The following PDXDC1 variants were observed in gnomAD, a reference collection of about 807,000 sequenced individuals.
The protein encoded by PDXDC1 is pyridoxal dependent decarboxylase domain containing 1.
A neutral mutation model predicts 100.1 loss-of-function variants in PDXDC1; 42 were observed. The observed-to-expected ratio is 0.42, with a 90% confidence interval of 0.33 to 0.54. The LOEUF (loss-of-function observed/expected upper bound fraction) is 0.54, where lower values mean the gene tolerates loss of function less well. Among genes scored for constraint, PDXDC1 ranks in the 20% least tolerant of loss-of-function variants. The probability of loss-of-function intolerance (pLI) is 0.10; values close to 1 mark genes in which losing one functional copy is unlikely to be tolerated. For missense variants in PDXDC1, 636 were observed against 979.2 expected (o/e 0.65, Z 4.68); for synonymous variants, 260 against 371.7 (o/e 0.70, Z 3.46).
At chr16:15,088,585 C>T (rs1363036149) in intron 16 of PDXDC1, among the ~76,000 whole-genome samples, 3 of 151,860 alleles carry the variant, frequency 2.0e-5, no homozygotes. Context: ...AAGAAAATGT[C>T]CCTTTGTATC....
chr16:15,058,055 T>A (rs1210539615), intron 16 of PDXDC1, among the ~76,000 whole-genome samples: 1 of 152,182 alleles, frequency 6.6e-6, no homozygotes, highest in Non-Finnish European at 1.5e-5. Context: ...CTCATGCCTG[T>A]AACCCCAGCA....
At chr16:14,983,753 CT>C (rs1968567846) in intron 1 of PDXDC1, among the ~76,000 whole-genome samples, 1 of 152,276 alleles carries the variant, frequency 6.6e-6, no homozygotes, top group Admixed American at 6.5e-5. Context: ...CATCAATTTA[CT>C]CCCCCTTTAT....
chr16:15,150,585 C>T, the PDXDC1 span: 2 of 148,422 alleles, frequency 1.3e-5, no homozygotes, highest in East Asian at 2.0e-4. Context: ...AGGAGAATCG[C>T]TTGAACCCGG....
the PDXDC1 span, among the ~76,000 whole-genome samples, chr16:15,145,224 G>A: frequency 1.3e-5 from 2 of 152,232 alleles, no homozygotes; most frequent in Admixed American, 6.5e-5. Context: ...GGCTGTGCGG[G>A]CACAGCAGTG....
chr16:15,095,204 G>A (rs943508243), intron 16 of PDXDC1, among the ~76,000 whole-genome samples: 1 of 152,084 alleles, frequency 6.6e-6, no homozygotes, highest in African/African-American at 2.4e-5. Flanking sequence ...GGCGTTCCAA[G>A]CATAGGAAAC....
chr16:15,103,641 C>G (rs1164143968), intron 16 of PDXDC1, among the ~76,000 whole-genome samples: 8 of 143,870 alleles, frequency 5.6e-5, no homozygotes, highest in Non-Finnish European at 1.1e-4. Flanking sequence ...GTGGCTGGGA[C>G]TACAGGCATG....
intron 16 of PDXDC1, chr16:15,127,447 C>T (rs1450136539): frequency 8.5e-6 from 13 of 1,536,920 alleles, no homozygotes; most frequent in East Asian, 4.8e-5. Context: ...CCCAGTACTC[C>T]CCGGTCCCCA....
At chr16:15,122,065 G>A (rs2047447623) in intron 16 of PDXDC1, among the ~76,000 whole-genome samples, 1 of 151,564 alleles carries the variant, frequency 6.6e-6, no homozygotes, top group Non-Finnish European at 1.5e-5. Flanking sequence ...TCAGGAGGCT[G>A]AGGCAGGACA....
In PDXDC1 at chr16:15,033,211, G is replaced by A. The variant is rs986602220; in HGVS notation, c.1691-67G>A. 7 of 1,572,700 alleles carry A rather than the reference G, an allele frequency of 4.5e-6. No individual in the cohort carries two copies. In the Admixed American group the frequency reaches 5.0e-5, roughly 11 times the overall value. On this transcript the variant is annotated intron_variant, in intron 18 of 22. Coordinates refer to ENST00000396410, the MANE Select transcript of PDXDC1 (RefSeq NM_015027.4). ...TGTGTGGTCAGGACCCTGAACAGGA[G>A]AGTAGGTCCACGTCTCACCCATGAC...
At position 15,132,699 on chromosome 16, in the gene PDXDC1, T is replaced by A. The variant is rs879438059; in HGVS notation, c.1400-6180T>A. Reference sequence around the variant, plus strand: ...ACCCTGGCAGGCATGCGGGGCGGGGTGAGCATGTGGGGCCATCCTACCATG... The same window carrying A: ...ACCCTGGCAGGCATGCGGGGCGGGGAGAGCATGTGGGGCCATCCTACCATG... On this transcript the variant is annotated intron_variant, in intron 16 of 16. Coordinates refer to the PDXDC1 transcript ENST00000535621. 4.2e-3 allele frequency: 3,540 copies of A among 846,034 alleles called. 17 individuals are homozygous for A. The highest frequency in any genetic ancestry group is 5.0e-3 in the Non-Finnish European group (2,554 of 512,638). The allele number at this position is 846,034 out of a possible 1,614,324, so 52.4% of individuals were successfully genotyped here.
At chr16:15,022,537 T>G (rs2042283316) in intron 12 of PDXDC1, among the ~76,000 whole-genome samples, 167 bp from the exon 13 acceptor site, 2 of 152,302 alleles carry the variant, frequency 1.3e-5, no homozygotes, top group African/African-American at 4.8e-5. Context: ...TGGTGAATAT[T>G]TACAGTTGTT....
At chr16:15,021,488 G>A (rs2042205373) in intron 12 of PDXDC1, among the ~76,000 whole-genome samples, 1 of 152,416 alleles carries the variant, frequency 6.6e-6, no homozygotes, top group East Asian at 1.9e-4. Flanking sequence ...TTGAGATGTG[G>A]TTCTTAGGAA....
At chr16:15,042,890 G>A (rs1275528662), downstream of PDXDC1, among the ~76,000 whole-genome samples, 1 of 147,398 alleles carries the variant, frequency 6.8e-6, no homozygotes, top group African/African-American at 2.5e-5. Context: ...GCGCCACCAT[G>A]CCCAGCTAAT....
intron 16 of PDXDC1, among the ~76,000 whole-genome samples, chr16:15,122,192 T>G (rs1598174377): frequency 1.3e-5 from 2 of 151,612 alleles, no homozygotes; most frequent in Admixed American, 6.6e-5. Flanking sequence ...AAAAAAGTCA[T>G]CAAACCAGAT....
intron 6 of PDXDC1, among the ~76,000 whole-genome samples, chr16:15,006,925 T>C (rs2040826221): frequency 6.6e-6 from 1 of 152,298 alleles, no homozygotes; most frequent in Admixed American, 6.5e-5. Flanking sequence ...TTATTTTTAA[T>C]GTCTTCATGG....
At chr16:15,105,006 T>C (rs903530142) in intron 16 of PDXDC1, among the ~76,000 whole-genome samples, 10 of 150,318 alleles carry the variant, frequency 6.7e-5, no homozygotes, top group African/African-American at 2.4e-4. Context: ...TCTGCAAATG[T>C]AGGCAGGCTG....
intron 1 of PDXDC1, among the ~76,000 whole-genome samples, chr16:14,987,209 TAATC>T (rs1361933375): frequency 7.2e-5 from 11 of 152,416 alleles, no homozygotes; most frequent in African/African-American, 2.2e-4. Flanking sequence ...GTGAAAACAT[TAATC>T]AAGCAAGGAT....
chr16:15,073,120 T>C lies in PDXDC1; in HGVS notation c.1399+43064T>C, dbSNP rs2045306171. The C allele has an allele frequency of 3.8e-6, 6 of 1,595,804 alleles. No individual in the cohort carries two copies. In the Admixed American group the frequency reaches 7.3e-5, roughly 20 times the overall value. ...TGGCATCTCAGTTTTTATAAAGACATATTTTCAAGTTTCATCTGCCATATT... is the reference window on the plus strand; with the variant it reads ...TGGCATCTCAGTTTTTATAAAGACACATTTTCAAGTTTCATCTGCCATATT... On this transcript the variant is annotated intron_variant, in intron 16 of 16. Coordinates refer to the PDXDC1 transcript ENST00000535621.
At chr16:15,119,426 T>G (rs1335913965) in intron 16 of PDXDC1, among the ~76,000 whole-genome samples, 10 of 148,068 alleles carry the variant, frequency 6.8e-5, no homozygotes, top group Admixed American at 2.0e-4. Context: ...TGTTTTTTTT[T>G]TTTTTGAGAC....
Sources: gnomAD v4.1 joint callset for allele counts (sites outside exome capture counted in the v4.1 genomes callset) on GRCh38, gnomAD v4.1.1 for gene constraint, MANE v1.5 for transcripts, NCBI Gene and HGNC (gene_info 2026-07-23, HGNC 2026-07-21) for gene names.